The following WNT7B variants were observed in gnomAD, a reference collection of about 807,000 sequenced individuals.
WNT7B encodes the protein Wnt family member 7B.
In WNT7B, 19 loss-of-function variants were observed where a neutral mutation model predicts 38.2. That is an observed-to-expected ratio of 0.50 (90% confidence interval 0.35 to 0.73). The LOEUF (loss-of-function observed/expected upper bound fraction) is 0.73. WNT7B is among the 30% of genes least tolerant of loss of function. The pLI is 0.01. For missense variants in WNT7B, 423 were observed against 507.9 expected, an observed-to-expected ratio of 0.83 and a Z score of 1.61; for synonymous variants, 243 against 209.3, an observed-to-expected ratio of 1.16 and a Z score of -1.39.
chr22:45,948,366 C>A (rs1250580634), intron 2 of WNT7B, among the ~76,000 whole-genome samples: 1 of 152,184 alleles, frequency 6.6e-6, no homozygotes, highest in Admixed American at 6.5e-5. Flanking sequence ...GCGGTGCCAC[C>A]CTCTTCGCTG....
intron 1 of WNT7B, among the ~76,000 whole-genome samples, chr22:45,961,547 C>T (rs1293866523): frequency 6.8e-6 from 1 of 148,008 alleles, no homozygotes; most frequent in Non-Finnish European, 1.5e-5. Context: ...GACTCAGAGA[C>T]AGCAATCAGA....
rs1338962419 is a variant in WNT7B at position 45,950,082 on chromosome 22, G to C, written c.136C>G (p.Pro46Ala). 6.2e-7 allele frequency: 1 copy of C among 1,614,064 alleles called. No individual in the cohort carries two copies. Among genetic ancestry groups the C allele is most frequent in the Non-Finnish European group, 8.5e-7 (1 of 1,180,040 alleles). The change falls in exon 2 of 4, where the codon CCG (proline) becomes GCG (alanine). Residue 46 changes from proline to alanine, a missense_variant. Coordinates refer to ENST00000339464, the MANE Select transcript of WNT7B (RefSeq NM_058238.3). ...CTCTGGCAGATGGCACGCTGCCGCG[G>C]GGCTAGGCCAGGAATCTTGTTGCAG... ...IICNKIPGLA[P>A]RQRAICQSRP...
At chr22:45,943,432 A>G (rs1429445258) in intron 2 of WNT7B, among the ~76,000 whole-genome samples, 1 of 152,226 alleles carries the variant, frequency 6.6e-6, no homozygotes, top group African/African-American at 2.4e-5. Context: ...GCAGGCTCCG[A>G]GTGGGAAGGA....
intron 3 of WNT7B, among the ~76,000 whole-genome samples, chr22:45,930,456 T>G (rs1311696103): frequency 6.6e-6 from 1 of 152,220 alleles, no homozygotes; most frequent in East Asian, 1.9e-4. Flanking sequence ...CTTGCCGCCG[T>G]GCAGCTGCTC....
chr22:45,956,737 G>A lies in WNT7B; in HGVS notation c.72-6591C>T, dbSNP rs566005527. Among the ~76,000 whole-genome samples, 47 of 152,342 alleles carry A rather than the reference G, an allele frequency of 3.1e-4. 1 individual carries two copies. In the South Asian group the frequency reaches 4.6e-3, roughly 15 times the overall value. On this transcript the variant is annotated intron_variant, in intron 1 of 3. Coordinates refer to ENST00000339464, the MANE Select transcript of WNT7B (RefSeq NM_058238.3). ...CACGGTGAGGAAACTGCTGACACAC[G>A]TCAACACGGATGGGCCTCACAGACA...
At chr22:45,946,546 C>G (rs191722769) in intron 2 of WNT7B, among the ~76,000 whole-genome samples, 1 of 152,294 alleles carries the variant, frequency 6.6e-6, no homozygotes, top group East Asian at 1.9e-4. Flanking sequence ...CATTTCCAGT[C>G]AACAGAAGAC....
intron 2 of WNT7B, among the ~76,000 whole-genome samples, chr22:45,932,292 G>T (rs564427411): frequency 2.0e-5 from 3 of 152,112 alleles, no homozygotes; most frequent in African/African-American, 7.2e-5. Context: ...CCTTCCAGGC[G>T]CTGCTCACAT....
intron 1 of WNT7B, among the ~76,000 whole-genome samples, chr22:45,959,902 G>A (rs1003312228): frequency 2.6e-5 from 4 of 152,152 alleles, no homozygotes; most frequent in African/African-American, 7.2e-5. Context: ...AGCCTGCCCG[G>A]GCCTCAGCAT....
chr22:45,970,081 G>A (rs537909920), intron 1 of WNT7B, among the ~76,000 whole-genome samples: 4 of 152,242 alleles, frequency 2.6e-5, no homozygotes, highest in East Asian at 1.9e-4. Flanking sequence ...TCAGCCTTGC[G>A]CCCACCAAAC....
chr22:45,925,602 C>T, intron 3 of WNT7B: 1 of 985,246 alleles, frequency 1.0e-6, no homozygotes, highest in Non-Finnish European at 1.2e-6. Context: ...GTCCATCACC[C>T]CAGCTCCCTG....
chr22:45,945,698 G>A (rs147848812), intron 2 of WNT7B, among the ~76,000 whole-genome samples: 1,826 of 152,308 alleles, frequency 0.012, 14 homozygotes, highest in Middle Eastern at 0.027. Context: ...CACCTGGCCC[G>A]GGAGTCACCC....
chr22:45,950,119 T>C lies in WNT7B; in HGVS notation c.99A>G (p.Gly33=), dbSNP rs150884258. The change falls in exon 2 of 4, where the codon GGA becomes GGG. Residue 33 remains glycine (G), a synonymous_variant. Transcript: ENST00000339464. Reference sequence around the variant, plus strand: ...GAATCTTGTTGCAGATGATGTTGGCTCCCAGGGCCACCACGGATGACAGTG... The same window carrying C: ...GAATCTTGTTGCAGATGATGTTGGCCCCCAGGGCCACCACGGATGACAGTG... The part of the protein sequence containing the change: ...LGALSSVVAL[G]ANIICNKIPG... 5 of 1,613,846 alleles carry C rather than the reference T, an allele frequency of 3.1e-6. No individual in the cohort carries two copies. The African/African-American group carries it at 6.7e-5, about 22-fold the overall frequency.
chr22:45,947,989 C>T (rs1931836146), intron 2 of WNT7B, among the ~76,000 whole-genome samples: 1 of 152,206 alleles, frequency 6.6e-6, no homozygotes, highest in African/African-American at 2.4e-5. Context: ...GTCCCTCACC[C>T]CATGTCTCAT....
chr22:45,930,390 T>TCGGAGC (rs947545241), intron 3 of WNT7B, among the ~76,000 whole-genome samples: 16 of 152,290 alleles, frequency 1.1e-4, no homozygotes, highest in Middle Eastern at 3.4e-3. Context: ...CCCCCAGGCC[T>TCGGAGC]CGGAGCCGGA....
In WNT7B at chr22:45,975,685, C is replaced by CGTG; in HGVS notation, c.71+998_71+999insCAC. Reference sequence around the variant, plus strand: ...CCCCTCCCGCGGGTCTGTTCACCGCCTTGCCTGTGGCCTGGACGGGGCTCG... The same window carrying CGTG: ...CCCCTCCCGCGGGTCTGTTCACCGCCGTGTTGCCTGTGGCCTGGACGGGGCTCG... On this transcript the variant is annotated intron_variant, in intron 1 of 3. Transcript: ENST00000339464. This position sits in a 1 kb window ranked among gnomAD's most constrained non-coding sequence, Gnocchi z 6.6. 1 of 656,038 alleles carries CGTG rather than the reference C, an allele frequency of 1.5e-6. No individual in the cohort carries two copies. The allele number at this position is 656,038 out of a possible 1,614,324, so 40.6% of individuals were successfully genotyped here. A position where few individuals can be genotyped will look rare whatever the true frequency, so the allele number is the denominator to read the frequency against.
intron 1 of WNT7B, among the ~76,000 whole-genome samples, chr22:45,957,104 CAA>C (rs34329899): frequency 1.4e-4 from 11 of 80,708 alleles, no homozygotes; most frequent in African/African-American, 2.6e-4. Context: ...GACTCTGTCT[CAA>C]AAAAAAAAAA....
At chr22:45,960,610 C>T (rs1932174699) in intron 1 of WNT7B, among the ~76,000 whole-genome samples, 1 of 152,248 alleles carries the variant, frequency 6.6e-6, no homozygotes, top group African/African-American at 2.4e-5. Context: ...GCTCCTGCGG[C>T]CCACGCTTCT....
At chr22:45,929,877 C>CCATCCACTCATCT (rs1304108102) in intron 3 of WNT7B, among the ~76,000 whole-genome samples, 2 of 149,294 alleles carry the variant, frequency 1.3e-5, no homozygotes, top group African/African-American at 5.0e-5. Flanking sequence ...TCCATCCAAC[C>CCATCCACTCATCT]ATCTACCCAC....
rs10453437 is a variant in WNT7B, at chr22:45,942,870, T to C, written c.298+7050A>G. ...TGAGTGGGTGCTGTGTGTGTGTGTGTGCGTGTGTGCATGTATGTGCGTGTG... is the reference window on the plus strand; with the variant it reads ...TGAGTGGGTGCTGTGTGTGTGTGTGCGCGTGTGTGCATGTATGTGCGTGTG... On this transcript the variant is annotated intron_variant, in intron 2 of 3. Transcript: ENST00000339464. 3.7e-4 allele frequency among the ~76,000 whole-genome samples: 56 copies of C among 151,818 alleles called. No homozygotes were observed. The South Asian group carries it at 4.4e-3, about 12-fold the overall frequency.
Sources: allele counts gnomAD v4.1 joint callset (sites outside exome capture counted in the v4.1 genomes callset), GRCh38; gene constraint gnomAD v4.1.1; non-coding constraint Gnocchi (gnomAD v3.1); transcripts MANE v1.5; gene names NCBI Gene and HGNC (gene_info 2026-07-23, HGNC 2026-07-21).